The following LNX1 variants were observed in gnomAD, a reference collection of about 807,000 sequenced individuals.
The protein encoded by LNX1 is E3 ubiquitin-protein ligase LNX.
In LNX1, 54 loss-of-function variants were observed where a neutral mutation model predicts 68.4. That is an observed-to-expected ratio of 0.79 (90% CI 0.63 to 0.99). The LOEUF (loss-of-function observed/expected upper bound fraction) is 0.99. Among genes scored for constraint, LNX1 ranks in the 50% least tolerant of loss-of-function variants. The pLI, the probability that LNX1 is intolerant of heterozygous loss-of-function variation, is 0.00. For missense variants in LNX1, 906 were observed against 926.4 expected (o/e 0.98, Z 0.29); for synonymous variants, 336 against 350.0 (o/e 0.96, Z 0.45).
intron 2 of LNX1, among the ~76,000 whole-genome samples, chr4:53,571,051 T>A (rs1282052101): frequency 6.6e-6 from 1 of 151,760 alleles, no homozygotes; most frequent in Non-Finnish European, 1.5e-5. Flanking sequence ...GAATCTTTTT[T>A]TTTTTGAGAT....
intron 2 of LNX1, among the ~76,000 whole-genome samples, chr4:53,608,017 G>T (rs1000587773): frequency 6.6e-6 from 1 of 152,044 alleles, no homozygotes; most frequent in Non-Finnish European, 1.5e-5. Context: ...AAAAACCCTG[G>T]GAGAAAACCT....
chr4:53,615,365 C>A (rs1733647256), intron 2 of LNX1, among the ~76,000 whole-genome samples: 1 of 152,168 alleles, frequency 6.6e-6, no homozygotes. Flanking sequence ...CTTTGGGGCA[C>A]TGTGGGGGTT....
At chr4:53,473,956 C>T (rs570629438) in intron 9 of LNX1, among the ~76,000 whole-genome samples, 54 of 152,172 alleles carry the variant, frequency 3.5e-4, no homozygotes, top group African/African-American at 1.2e-3. Flanking sequence ...TTATTTTGAA[C>T]GTTAAGTAAA....
intron 2 of LNX1, among the ~76,000 whole-genome samples, chr4:53,551,427 T>C (rs1729506904): frequency 2.0e-5 from 3 of 152,102 alleles, no homozygotes; most frequent in Admixed American, 2.0e-4. Context: ...CCTAGTAAGA[T>C]CTCAGGAGTT....
chr4:53,549,036 G>A (rs1219847693), intron 2 of LNX1, among the ~76,000 whole-genome samples: 1 of 152,104 alleles, frequency 6.6e-6, no homozygotes, highest in Non-Finnish European at 1.5e-5. Context: ...GGTAGGAGGA[G>A]GGAGAGGAAC....
intron 2 of LNX1, among the ~76,000 whole-genome samples, chr4:53,564,977 C>A (rs1056568538): frequency 1.5e-4 from 23 of 152,182 alleles, no homozygotes; most frequent in Admixed American, 1.2e-3. Flanking sequence ...ATTATATCCC[C>A]CACCTGGCTC....
chr4:53,493,566 G>A (rs1356017927), intron 6 of LNX1, among the ~76,000 whole-genome samples: 1 of 152,230 alleles, frequency 6.6e-6, no homozygotes, highest in Non-Finnish European at 1.5e-5. Context: ...GTACAGGACA[G>A]TGCAGAGAGT....
At chr4:53,468,545 G>T (rs998169910) in intron 9 of LNX1, among the ~76,000 whole-genome samples, 49 of 152,090 alleles carry the variant, frequency 3.2e-4, no homozygotes, top group Admixed American at 1.9e-3. Context: ...GACACAGACT[G>T]GCAAACTGGA....
intron 2 of LNX1, among the ~76,000 whole-genome samples, chr4:53,616,185 A>G (rs1733672262): frequency 6.6e-6 from 1 of 152,154 alleles, no homozygotes; most frequent in South Asian, 2.1e-4. Flanking sequence ...ATTTTAATTC[A>G]GTATCTATCT....
chr4:53,647,839 G>A (rs1458826022), intron 1 of LNX1, among the ~76,000 whole-genome samples: 7 of 152,200 alleles, frequency 4.6e-5, no homozygotes, highest in Middle Eastern at 6.3e-3. Flanking sequence ...TGTAAGTACC[G>A]CATGTAAGTG....
At chr4:53,591,679 T>C, upstream of LNX1, 1 of 652,894 alleles carries the variant, frequency 1.5e-6, no homozygotes, top group Non-Finnish European at 1.9e-6. Flanking sequence ...AGGTGGCGTC[T>C]CTTTGTGGAC....
At chr4:53,597,308 T>A (rs2109830056) in intron 2 of LNX1, among the ~76,000 whole-genome samples, 1 of 152,322 alleles carries the variant, frequency 6.6e-6, no homozygotes, top group African/African-American at 2.4e-5. Flanking sequence ...TCCTTTGCCT[T>A]GCCTGGCCTG....
At chr4:53,559,081 A>G (rs1470478991) in intron 2 of LNX1, among the ~76,000 whole-genome samples, 1 of 152,214 alleles carries the variant, frequency 6.6e-6, no homozygotes, top group Non-Finnish European at 1.5e-5. Flanking sequence ...GGATAATTAC[A>G]TTCATCACAT....
chr4:53,615,225 G>A (rs990823711), intron 2 of LNX1, among the ~76,000 whole-genome samples: 17 of 152,116 alleles, frequency 1.1e-4, no homozygotes, highest in African/African-American at 3.9e-4. Flanking sequence ...TAAGCCATTC[G>A]CTTTTAGGGT....
intron 2 of LNX1, among the ~76,000 whole-genome samples, chr4:53,554,381 T>A (rs1729738929): frequency 6.6e-6 from 1 of 152,228 alleles, no homozygotes; most frequent in Admixed American, 6.5e-5. Flanking sequence ...CAAGTCGTTA[T>A]AAACTATTGG....
chr4:53,523,147 G>A (rs1025303181), intron 2 of LNX1: 1 of 152,170 alleles, frequency 6.6e-6, no homozygotes, highest in African/African-American at 2.4e-5. Flanking sequence ...TTGAAGAACA[G>A]GACCCTCCAG....
chr4:53,584,389 A>C (rs372025669), intron 1 of LNX1, among the ~76,000 whole-genome samples: 3 of 152,184 alleles, frequency 2.0e-5, no homozygotes, highest in African/African-American at 7.2e-5. Context: ...TATCCACAGG[A>C]AAAAAAATGT....
At position 53,591,431 on chromosome 4, in the gene LNX1, G is replaced by A; in HGVS notation, c.-130C>T. 1.1e-5 allele frequency: 11 copies of A among 985,810 alleles called. No homozygotes were observed. Among genetic ancestry groups the A allele is most frequent in the Non-Finnish European group, 1.3e-5 (11 of 830,264 alleles). The allele number at this position is 985,810 out of a possible 1,614,324, so 61.1% of individuals were successfully genotyped here. ...GGGGCTCTCCAAGCAGCAGCAGGCA[G>A]GCAGCTCTCATTCCTTGTGGGTGAA... On this transcript the variant is annotated 5_prime_UTR_variant, in exon 1 of 11. Coordinates refer to ENST00000263925, the MANE Select transcript of LNX1 (RefSeq NM_001126328.3).
intron 4 of LNX1, chr4:53,500,035 G>C (rs1725362484): frequency 1.3e-5 from 2 of 152,328 alleles, no homozygotes; most frequent in South Asian, 4.2e-4. Context: ...GACAGTGATA[G>C]TCAAACACTA....
Sources: allele counts gnomAD v4.1 joint callset (sites outside exome capture counted in the v4.1 genomes callset), GRCh38; gene constraint gnomAD v4.1.1; transcripts MANE v1.5; gene names NCBI Gene and HGNC (gene_info 2026-07-23, HGNC 2026-07-21).